The following PIK3CG variants were observed in gnomAD, a reference collection of about 807,000 sequenced individuals.
PIK3CG encodes the protein phosphatidylinositol 4,5-bisphosphate 3-kinase catalytic subunit gamma isoform.
PIK3CG carries 55 observed loss-of-function variants against 102.3 expected under a neutral mutation model. That is an observed-to-expected ratio of 0.54 (90% CI 0.43 to 0.67). The LOEUF (loss-of-function observed/expected upper bound fraction) is 0.67. PIK3CG is among the 30% of genes least tolerant of loss of function. PIK3CG has a pLI of 0.00. For missense variants in PIK3CG, 1,258 were observed against 1,391.8 expected (o/e 0.90, Z 1.53); for synonymous variants, 552 against 540.0 (o/e 1.02, Z -0.31).
Position 106,907,749 on chromosome 7 carries a change from A to G in PIK3CG, c.*2362A>G, listed in dbSNP as rs1236207812. On this transcript the variant is annotated 3_prime_UTR_variant, in exon 11 of 11. Coordinates refer to ENST00000496166, the MANE Select transcript of PIK3CG (RefSeq NM_001282426.2). ...GCTAATATATATATATAACATATAT[A>G]TGCTAATATATATATAACATATATA... Among the ~76,000 whole-genome samples the G allele has an allele frequency of 4.1e-5, 6 of 145,884 alleles. No homozygotes were observed. The highest frequency in any genetic ancestry group is 2.2e-4 in the South Asian group (1 of 4,616).
chr7:106,881,707 G>A (rs115536781), intron 6 of PIK3CG, among the ~76,000 whole-genome samples: 2,086 of 151,974 alleles, frequency 0.014, 53 homozygotes, highest in African/African-American at 0.048. Flanking sequence ...AAAATTAGCC[G>A]GGCATCATGA....
At position 106,899,589 on chromosome 7, in the gene PIK3CG, T is replaced by C. The variant is rs938255125; in HGVS notation, c.3031-5520T>C. 6.6e-6 allele frequency among the ~76,000 whole-genome samples: 1 copy of C among 152,240 alleles called. No individual in the cohort carries two copies. Among genetic ancestry groups the C allele is most frequent in the South Asian group, 2.1e-4 (1 of 4,836 alleles). ...TAACATGAAAGGGTGTTGAATTTTATCGAAAGGCTTTTCTGTGTCTATGGA... is the reference window on the plus strand; with the variant it reads ...TAACATGAAAGGGTGTTGAATTTTACCGAAAGGCTTTTCTGTGTCTATGGA... On this transcript the variant is annotated intron_variant, in intron 10 of 10. Coordinates refer to ENST00000496166, the MANE Select transcript of PIK3CG (RefSeq NM_001282426.2). This position sits in a 1 kb window ranked among gnomAD's most constrained non-coding sequence, Gnocchi z 4.6.
rs1432154378 is a variant in PIK3CG, at chr7:106,869,230, G to T, written c.1669G>T (p.Ala557Ser). 3 of 1,614,214 alleles carry T rather than the reference G, an allele frequency of 1.9e-6. No individual in the cohort carries two copies. Among genetic ancestry groups the T allele is most frequent in the Non-Finnish European group, 2.5e-6 (3 of 1,180,038 alleles). The change falls in exon 2 of 11, where the codon GCG (alanine) becomes TCG (serine). Residue 557 changes from alanine to serine, a missense_variant. By Grantham distance (99) the Ala-to-Ser change is moderately conservative. Around this residue, in one of 2 missense-constraint regions of PIK3CG, gnomAD observed 832 missense variants for 787.5 expected, o/e 1.06. Transcript: ENST00000496166. The surrounding 1 kb of genome is among the most constrained non-coding windows in gnomAD (Gnocchi z 5.3). ...MPNQLRKQLE[A>S]IIATDPLNPL... Reference sequence around the variant, plus strand: ...CAACCAGCTTCGCAAGCAATTGGAGGCGATCATAGCCACTGATCCACTTAA... The same window carrying T: ...CAACCAGCTTCGCAAGCAATTGGAGTCGATCATAGCCACTGATCCACTTAA...
Position 106,906,981 on chromosome 7 carries a change from T to C in PIK3CG, c.*1594T>C, listed in dbSNP as rs866119147. 4.6e-6 allele frequency: 1 copy of C among 217,362 alleles called. No individual in the cohort carries two copies. Among genetic ancestry groups the C allele is most frequent in the Non-Finnish European group, 9.2e-6 (1 of 108,494 alleles). The allele number at this position is 217,362 out of a possible 1,614,324, so 13.5% of individuals were successfully genotyped here. Reference sequence around the variant, plus strand: ...TCTCTTAAAAAAAAAATTAGCTGGGTATAGTGGTATGTGCCTGTAGTCCCA... The same window carrying C: ...TCTCTTAAAAAAAAAATTAGCTGGGCATAGTGGTATGTGCCTGTAGTCCCA... On this transcript the variant is annotated 3_prime_UTR_variant, in exon 11 of 11. Coordinates refer to ENST00000496166, the MANE Select transcript of PIK3CG (RefSeq NM_001282426.2).
At chr7:106,901,761 A>G (rs906312473) in intron 10 of PIK3CG, among the ~76,000 whole-genome samples, 4 of 152,180 alleles carry the variant, frequency 2.6e-5, no homozygotes, top group African/African-American at 9.7e-5. Context: ...CACCAGGCCA[A>G]GGCTTTGTGC....
chr7:106,904,978 A>G, intron 10 of PIK3CG, 131 bp from the exon 11 acceptor site: 1 of 765,112 alleles, frequency 1.3e-6, no homozygotes, highest in Non-Finnish European at 2.2e-6. Context: ...TTTTCATCTG[A>G]GGCAGGGACC....
Position 106,868,867 on chromosome 7 carries a change from G to A in PIK3CG, c.1306G>A (p.Gly436Ser), listed in dbSNP as rs376853134. The A allele has an allele frequency of 9.9e-6, 16 of 1,614,030 alleles. No individual in the cohort carries two copies. The African/African-American group carries it at 1.1e-4, about 11-fold the overall frequency. Residue 436 changes from glycine (G) to serine (S), a missense_variant, in exon 2 of 11, where the codon GGT (glycine) becomes AGT (serine). By Grantham distance (56) the Gly-to-Ser change is moderately conservative (BLOSUM62 0). Coordinates refer to ENST00000496166, the MANE Select transcript of PIK3CG (RefSeq NM_001282426.2). The surrounding 1 kb of genome is among the most constrained non-coding windows in gnomAD (Gnocchi z 6.2). ...GALLNLQIYC[G>S]KAPALSSKAS... ...TCTACTGAACCTCCAGATCTACTGC[G>A]GTAAAGCTCCAGCACTGTCCAGCAA...
rs849372 is a variant in PIK3CG at position 106,880,274 on chromosome 7, T to A, written c.2538+609T>A. On this transcript the variant is annotated intron_variant, in intron 6 of 10. Transcript: ENST00000496166. The surrounding 1 kb of genome is among the most constrained non-coding windows in gnomAD (Gnocchi z 4.2). Reference sequence around the variant, plus strand: ...TAAAGTAATATTCTCCAGATTCTAGTTGGTCAGTGTTGTAGAGGTAATAAT... The same window carrying A: ...TAAAGTAATATTCTCCAGATTCTAGATGGTCAGTGTTGTAGAGGTAATAAT... Among the ~76,000 whole-genome samples the A allele has an allele frequency of 0.13, 19,377 of 152,228 alleles. 1,453 individuals carry two copies. The highest frequency in any genetic ancestry group is 0.21 in the African/African-American group (8,889 of 41,504).
chr7:106,906,487 T>G lies in PIK3CG; in HGVS notation c.*1100T>G. 4.3e-6 allele frequency: 1 copy of G among 230,248 alleles called. No homozygotes were observed. The highest frequency in any genetic ancestry group is 6.2e-5 in the East Asian group (1 of 16,036). The allele number at this position is 230,248 out of a possible 1,614,324, so 14.3% of individuals were successfully genotyped here. A position where few individuals can be genotyped will look rare whatever the true frequency, so the allele number is the denominator to read the frequency against. On this transcript the variant is annotated 3_prime_UTR_variant, in exon 11 of 11. Coordinates refer to ENST00000496166, the MANE Select transcript of PIK3CG (RefSeq NM_001282426.2). ...GAAGATATTTAATATCTTAAAAATA[T>G]TCCAAGTTAGGAAGAACACTACTTG...
At position 106,902,529 on chromosome 7, in the gene PIK3CG, AT is replaced by A. The variant is rs1288525058; in HGVS notation, c.3031-2578del. Among the ~76,000 whole-genome samples the A allele has an allele frequency of 1.3e-5, 2 of 151,376 alleles. No homozygotes were observed. The highest frequency in any genetic ancestry group is 2.4e-5 in the African/African-American group (1 of 41,146). On this transcript the variant is annotated intron_variant, in intron 10 of 10. Coordinates refer to ENST00000496166, the MANE Select transcript of PIK3CG (RefSeq NM_001282426.2). The surrounding 1 kb of genome is among the most constrained non-coding windows in gnomAD (Gnocchi z 4.3). ...AGCTTATAAAATGTGAACATTGGGT[AT>A]TGTCCTTAAAAGACTAAAAAAAAAA...
rs568617503 is a variant in PIK3CG at position 106,887,356 on chromosome 7, C to G, written c.3030+1064C>G. 2.0e-5 allele frequency among the ~76,000 whole-genome samples: 3 copies of G among 152,312 alleles called. No homozygotes were observed. In the South Asian group the frequency reaches 6.2e-4, roughly 32 times the overall value. On this transcript the variant is annotated intron_variant, in intron 10 of 10. Coordinates refer to ENST00000496166, the MANE Select transcript of PIK3CG (RefSeq NM_001282426.2). ...GCCACCTCCCTTAGTACATCTTAAA[C>G]ATGATTTGCTTTGCATTGCACATCT...
intron 10 of PIK3CG, among the ~76,000 whole-genome samples, chr7:106,888,718 C>T (rs959252173): frequency 7.9e-5 from 12 of 152,214 alleles, no homozygotes; most frequent in African/African-American, 2.4e-4. Context: ...GTTAAGCATA[C>T]ATGTTAAATG....
chr7:106,868,016 G>A lies in PIK3CG; in HGVS notation c.455G>A (p.Arg152Gln), dbSNP rs762164881. The change falls in exon 2 of 11, where the codon CGG becomes CAG. Residue 152 changes from arginine to glutamine, a missense_variant. Physicochemically the swap from Arg to Gln is conservative, Grantham distance 43. This residue lies in a region of PIK3CG where 832 missense variants were observed against 787.5 expected (regional missense o/e 1.06). Transcript: ENST00000496166. The surrounding 1 kb of genome is among the most constrained non-coding windows in gnomAD (Gnocchi z 6.2). ...PPSEESQAFQ[R>Q]QLTALIGYDV... The stretch of plus-strand genomic sequence containing the variant: ...TCCGAGGAGTCCCAAGCCTTCCAGC[G>A]GCAGCTCACGGCGCTGATTGGCTAT... 1.2e-6 allele frequency: 2 copies of A among 1,611,842 alleles called. No individual in the cohort carries two copies. The highest frequency in any genetic ancestry group is 1.7e-6 in the Non-Finnish European group (2 of 1,178,906).
chr7:106,889,938 G>A (rs932235254), intron 10 of PIK3CG, among the ~76,000 whole-genome samples: 2 of 152,138 alleles, frequency 1.3e-5, no homozygotes, highest in African/African-American at 4.8e-5. Context: ...CTACAAACAG[G>A]TGCTAAACAA....
rs765226775 is a variant in PIK3CG, at chr7:106,874,726, G to A, written c.2314G>A (p.Glu772Lys). 6.2e-7 allele frequency: 1 copy of A among 1,613,754 alleles called. No homozygotes were observed. The highest frequency in any genetic ancestry group is 2.2e-5 in the East Asian group (1 of 44,880). ...TATTTCACAACTTAAACAAAAGCTT[G>A]AAAACCTGCAGAATTCTCAACTCCC... is the stretch of plus-strand genomic sequence containing the variant. ...QVISQLKQKLENLQNSQLPES... is the reference protein window; with the variant it reads ...QVISQLKQKLKNLQNSQLPES... The change falls in exon 5 of 11, where the codon GAA (glutamate) becomes AAA (lysine). Residue 772 changes from glutamate (E) to lysine (K), a missense_variant. Physicochemically the swap from Glu to Lys is moderately conservative, Grantham distance 56 (BLOSUM62 1). Coordinates refer to ENST00000496166, the MANE Select transcript of PIK3CG (RefSeq NM_001282426.2). This position sits in a 1 kb window ranked among gnomAD's most constrained non-coding sequence, Gnocchi z 4.3.
At position 106,899,384 on chromosome 7, in the gene PIK3CG, G is replaced by T. The variant is rs1791488692; in HGVS notation, c.3031-5725G>T. Among the ~76,000 whole-genome samples, 1 of 152,104 alleles carries T rather than the reference G, an allele frequency of 6.6e-6. No individual in the cohort carries two copies. Among genetic ancestry groups the T allele is most frequent in the Non-Finnish European group, 1.5e-5 (1 of 67,996 alleles). On this transcript the variant is annotated intron_variant, in intron 10 of 10. Transcript: ENST00000496166. The surrounding 1 kb of genome is among the most constrained non-coding windows in gnomAD (Gnocchi z 4.6). ...CCTCTTGCCTGATTGCTCTGGCCAG[G>T]ACTTCCAATACTATGTTGAATAGAA...
rs1268578474 is a variant in PIK3CG at position 106,897,505 on chromosome 7, AT to A, written c.3031-7603del. 6.6e-6 allele frequency among the ~76,000 whole-genome samples: 1 copy of A among 152,100 alleles called. No homozygotes were observed. Among genetic ancestry groups the A allele is most frequent in the Non-Finnish European group, 1.5e-5 (1 of 68,002 alleles). On this transcript the variant is annotated intron_variant, in intron 10 of 10. Coordinates refer to ENST00000496166, the MANE Select transcript of PIK3CG (RefSeq NM_001282426.2). This position sits in a 1 kb window ranked among gnomAD's most constrained non-coding sequence, Gnocchi z 4.6. The stretch of plus-strand genomic sequence containing the variant: ...GCATTAAGCCCAGTACCCAATAGTT[AT>A]CTTTTTTGCTCCTCTCCCTCCTCTC...
At chr7:106,865,492 G>C (rs1215100528) in intron 1 of PIK3CG, 66 bp downstream of exon 1, 1 of 152,052 alleles carries the variant, frequency 6.6e-6, no homozygotes, top group Non-Finnish European at 1.5e-5. Context: ...CTTCCTTCTC[G>C]GCTAGATTAT....
In PIK3CG at chr7:106,867,402, C is replaced by T. The variant is rs570599531; in HGVS notation, c.-12-148C>T. ...ACTCCAAAGCCCACGCTCTGAAGGGCTGTAGTGCTTCCAGTTTAAAATACT... is the reference window on the plus strand; with the variant it reads ...ACTCCAAAGCCCACGCTCTGAAGGGTTGTAGTGCTTCCAGTTTAAAATACT... On this transcript the variant is annotated intron_variant, in intron 1 of 10. Transcript: ENST00000496166. The surrounding 1 kb of genome is among the most constrained non-coding windows in gnomAD (Gnocchi z 5.1). The T allele has an allele frequency of 4.8e-4, 334 of 697,654 alleles. 1 individual carries two copies. The highest frequency in any genetic ancestry group is 1.8e-3 in the Admixed American group (63 of 34,818). 43.2% of individuals were successfully genotyped at this position (697,654 alleles called of 1,614,324 possible). A position where few individuals can be genotyped will look rare whatever the true frequency, so the allele number is the denominator to read the frequency against.
Sources: gnomAD v4.1 joint callset for allele counts (sites outside exome capture counted in the v4.1 genomes callset) on GRCh38, gnomAD v4.1.1 for gene constraint, gnomAD v4.1.1 regional missense constraint, Gnocchi (gnomAD v3.1) non-coding constraint, MANE v1.5 for transcripts, NCBI Gene and HGNC (gene_info 2026-07-23, HGNC 2026-07-21) for gene names.